RAD54B: variants seen among roughly 807,000 people sequenced by gnomAD.
RAD54B encodes the protein DNA repair and recombination protein RAD54B.
In RAD54B, 78 loss-of-function variants were observed where a neutral mutation model predicts 95.8. The observed-to-expected ratio is 0.81, with a 90% CI of 0.68 to 0.98. The LOEUF is 0.98. RAD54B is among the 50% of genes least tolerant of loss of function. The probability of loss-of-function intolerance (pLI) is 0.00; values close to 1 mark genes in which losing one functional copy is unlikely to be tolerated. For synonymous variants in RAD54B, 328 were observed against 354.9 expected, an observed-to-expected ratio of 0.92 and a Z score of 0.85; for missense variants, 957 against 1,056.6, an observed-to-expected ratio of 0.91 and a Z score of 1.31.
At chr8:94,446,981 A>AC in intron 3 of RAD54B, among the ~76,000 whole-genome samples, 1 of 152,018 alleles carries the variant, frequency 6.6e-6, no homozygotes, top group African/African-American at 2.4e-5. Flanking sequence ...AGACTTAAAA[A>AC]AAAAAAAATC....
chr8:94,449,073 C>T (rs1348204855), intron 3 of RAD54B, among the ~76,000 whole-genome samples: 1 of 145,376 alleles, frequency 6.9e-6, no homozygotes, highest in Non-Finnish European at 1.5e-5. Context: ...CACACATACA[C>T]ACATATATAT....
chr8:94,406,517 A>G (rs1811392182), intron 5 of RAD54B, among the ~76,000 whole-genome samples: 2 of 152,146 alleles, frequency 1.3e-5, no homozygotes. Flanking sequence ...AGAATTTTTA[A>G]TTGTGGGGTT....
intron 3 of RAD54B, among the ~76,000 whole-genome samples, chr8:94,434,167 T>C (rs1254956418): frequency 1.3e-5 from 2 of 151,886 alleles, no homozygotes; most frequent in African/African-American, 2.4e-5. Context: ...AAGGCTAAAA[T>C]TGCATATGAA....
chr8:94,375,854 A>G (rs561441181), intron 14 of RAD54B, among the ~76,000 whole-genome samples: 1 of 152,330 alleles, frequency 6.6e-6, no homozygotes, highest in South Asian at 2.1e-4. Flanking sequence ...GGATACACAA[A>G]AAAACTAATA....
At chr8:94,377,516 A>G (rs1175340281) in intron 14 of RAD54B, among the ~76,000 whole-genome samples, 1 of 126,800 alleles carries the variant, frequency 7.9e-6, no homozygotes, top group Non-Finnish European at 1.6e-5. Context: ...AGCCTGGGCA[A>G]CAGAGCAACA....
At chr8:94,425,061 CAA>C (rs71273335) in intron 3 of RAD54B, among the ~76,000 whole-genome samples, 48 of 82,348 alleles carry the variant, frequency 5.8e-4, no homozygotes, top group African/African-American at 1.1e-3. Context: ...GACCCCATCT[CAA>C]AAAAAAAAAA....
intron 3 of RAD54B, among the ~76,000 whole-genome samples, chr8:94,434,363 G>C (rs1450812368): frequency 2.0e-5 from 3 of 151,658 alleles, no homozygotes; most frequent in Non-Finnish European, 4.4e-5. Flanking sequence ...AAAAGCTTTA[G>C]AGCAGGTCAC....
chr8:94,394,403 C>T (rs1811095541), intron 8 of RAD54B, among the ~76,000 whole-genome samples: 1 of 126,190 alleles, frequency 7.9e-6, no homozygotes. Context: ...CCTTTAAACT[C>T]AGAATTTTTT....
chr8:94,381,126 TTA>T (rs1810728985), intron 11 of RAD54B, among the ~76,000 whole-genome samples: 1 of 113,916 alleles, frequency 8.8e-6, no homozygotes, highest in Non-Finnish European at 2.3e-5. Context: ...GCCCTGTCTT[TTA>T]AAAAAAAAAA....
chr8:94,424,171 CTT>C (rs1259058339), intron 3 of RAD54B, among the ~76,000 whole-genome samples: 13 of 152,194 alleles, frequency 8.5e-5, no homozygotes, highest in African/African-American at 2.9e-4. Context: ...CGGATATACA[CTT>C]TTCTTTTGCA....
At chr8:94,436,539 C>T in intron 3 of RAD54B, 1 of 1,550,116 alleles carries the variant, frequency 6.5e-7, no homozygotes, top group South Asian at 1.2e-5. Flanking sequence ...AACTGGAAAT[C>T]TGGGGAATCA....
chr8:94,393,947 T>C (rs1811083356), intron 8 of RAD54B, 65 bp from the exon 9 acceptor site: 2 of 1,375,898 alleles, frequency 1.5e-6, no homozygotes, highest in African/African-American at 1.5e-5. Context: ...CTCAGGTTTA[T>C]AGCAAAACCA....
At chr8:94,392,186 T>C (rs757760645) in intron 9 of RAD54B, among the ~76,000 whole-genome samples, 8 of 152,226 alleles carry the variant, frequency 5.3e-5, no homozygotes, top group Non-Finnish European at 1.0e-4. Flanking sequence ...ATACAACACG[T>C]AGACCATAAT....
chr8:94,444,390 A>G (rs2919670), intron 3 of RAD54B, among the ~76,000 whole-genome samples: 46,259 of 149,438 alleles, frequency 0.31, 7,614 homozygotes, highest in East Asian at 0.43. Flanking sequence ...AAGGATGTTC[A>G]CTGCAGAGGT....
chr8:94,465,341 G>C (rs1366663199), intron 2 of RAD54B, among the ~76,000 whole-genome samples: 4 of 152,046 alleles, frequency 2.6e-5, no homozygotes, highest in African/African-American at 9.7e-5. Context: ...TTAAAAACCA[G>C]GCAAAGACCT....
intron 14 of RAD54B, among the ~76,000 whole-genome samples, chr8:94,375,644 G>A (rs1019232243): frequency 2.6e-5 from 4 of 152,068 alleles, no homozygotes; most frequent in Non-Finnish European, 5.9e-5. Context: ...GATAAATTAT[G>A]ATATATCTAT....
rs1491262937 is a variant in RAD54B at position 94,413,841 on chromosome 8, T to TTTTTTTTTTTC, written c.305-2527_305-2526insGAAAAAAAAAA. Among the ~76,000 whole-genome samples, 28 of 4,162 alleles carry TTTTTTTTTTTC rather than the reference T, an allele frequency of 6.7e-3. No homozygotes were observed. In the Admixed American group the frequency reaches 0.075, roughly 11 times the overall value. The allele number at this position is 4,162 out of a possible 152,430, so 2.7% of individuals were successfully genotyped here. ...GAATAATTATTCTTTTTTTTTTTTC[T>TTTTTTTTTTTC]TTTTTTTTTTTTGAGACAGAGTTTT... On this transcript the variant is annotated intron_variant, in intron 3 of 14. Coordinates refer to ENST00000336148, the MANE Select transcript of RAD54B (RefSeq NM_012415.3).
chr8:94,398,624 G>T (rs1811198266), intron 8 of RAD54B, among the ~76,000 whole-genome samples: 1 of 152,030 alleles, frequency 6.6e-6, no homozygotes, highest in South Asian at 2.1e-4. Flanking sequence ...GGAAAATGAA[G>T]CCCCAAGTAG....
chr8:94,404,314 C>G (rs1221883109), intron 5 of RAD54B, 75 bp from the exon 6 acceptor site: 1 of 1,318,076 alleles, frequency 7.6e-7, no homozygotes, highest in African/African-American at 1.5e-5. Context: ...TTTCATTACC[C>G]TAAGATAGAA....
Sources: allele counts gnomAD v4.1 joint callset (sites outside exome capture counted in the v4.1 genomes callset), GRCh38; gene constraint gnomAD v4.1.1; transcripts MANE v1.5; gene names NCBI Gene and HGNC (gene_info 2026-07-23, HGNC 2026-07-21).